The following BPTF variants were observed in gnomAD, a reference collection of about 807,000 sequenced individuals.
BPTF encodes bromodomain PHD finger transcription factor.
BPTF carries 18 observed loss-of-function variants against 292.5 expected under a neutral mutation model. The observed-to-expected ratio is 0.06, with a 90% CI of 0.04 to 0.09. The LOEUF (loss-of-function observed/expected upper bound fraction) is 0.09. Among genes scored for constraint, BPTF ranks in the 10% least tolerant of loss-of-function variants. The pLI is 1.00. For synonymous variants in BPTF, 1,225 were observed against 1,251.9 expected (o/e 0.98, Z 0.45); for missense variants, 2,726 against 3,498.7 (o/e 0.78, Z 5.57).
At chr17:67,886,096 C>T (rs1281282250) in intron 4 of BPTF, 5 of 1,426,420 alleles carry the variant, frequency 3.5e-6, no homozygotes, top group South Asian at 1.4e-5. Flanking sequence ...ATGTGATTTC[C>T]AATTTAAAAA....
At chr17:67,858,128 G>T (rs536095980) in intron 2 of BPTF, among the ~76,000 whole-genome samples, 2 of 152,310 alleles carry the variant, frequency 1.3e-5, no homozygotes, top group East Asian at 3.9e-4. Context: ...TTTCAGGAGG[G>T]AACAAAATGA....
At position 67,928,432 on chromosome 17, in the gene BPTF, C is replaced by T. The variant is rs149862460; in HGVS notation, c.5829C>T (p.Ile1943=). ...CAACAAGCAGTACAACCAGCACCAT[C>T]TCTCCAGCACAGAAGGTTATGGTGG... ...TSPTSSTTST[I]SPAQKVMVAP... is the part of the protein sequence containing the mutation. Residue 1943 remains isoleucine (I), a synonymous_variant, in exon 16 of 28, where the codon ATC becomes ATT. Coordinates refer to ENST00000306378, the MANE Select transcript of BPTF (RefSeq NM_182641.4). 39 of 1,614,056 alleles carry T rather than the reference C, an allele frequency of 2.4e-5. No individual in the cohort carries two copies. Among genetic ancestry groups the T allele is most frequent in the Non-Finnish European group, 3.1e-5 (36 of 1,180,018 alleles).
intron 27 of BPTF, among the ~76,000 whole-genome samples, chr17:67,978,383 C>T (rs1229108749): frequency 6.6e-6 from 1 of 151,348 alleles, no homozygotes; most frequent in African/African-American, 2.4e-5. Flanking sequence ...GCTGCAACAT[C>T]TGCCTCCTGG....
intron 1 of BPTF, among the ~76,000 whole-genome samples, chr17:67,843,754 CTTT>C (rs56335701): frequency 1.6e-5 from 1 of 62,274 alleles, no homozygotes; most frequent in African/African-American, 8.4e-5. Context: ...GAGCAGTTGT[CTTT>C]TTTTTTTTTT....
intron 14 of BPTF, among the ~76,000 whole-genome samples, 191 bp from the exon 15 acceptor site, chr17:67,924,356 C>T (rs2063694621): frequency 6.6e-6 from 1 of 152,194 alleles, no homozygotes; most frequent in Admixed American, 6.5e-5. Context: ...CTCAAGTGAT[C>T]TGCCTGCCTT....
At chr17:67,938,212 A>G (rs2065080910) in intron 18 of BPTF, among the ~76,000 whole-genome samples, 1 of 152,252 alleles carries the variant, frequency 6.6e-6, no homozygotes, top group East Asian at 1.9e-4. Flanking sequence ...ATAAAAATGA[A>G]TCAGTACCAA....
intron 17 of BPTF, among the ~76,000 whole-genome samples, chr17:67,930,356 G>T (rs961229848): frequency 2.0e-5 from 3 of 151,656 alleles, no homozygotes; most frequent in African/African-American, 7.3e-5. Context: ...CCACCACCAT[G>T]CCTGGCTAAT....
At chr17:67,903,469 A>G (rs1226803139) in intron 7 of BPTF, among the ~76,000 whole-genome samples, 1 of 152,234 alleles carries the variant, frequency 6.6e-6, no homozygotes, top group South Asian at 2.1e-4. Context: ...TAAAAAGTAC[A>G]TATGTGTGAA....
chr17:67,841,228 C>T lies in BPTF; in HGVS notation c.614-12712C>T, dbSNP rs1353722240. Among the ~76,000 whole-genome samples the T allele has an allele frequency of 3.3e-5, 5 of 151,576 alleles. No individual in the cohort carries two copies. The South Asian group carries it at 8.3e-4, about 25-fold the overall frequency. On this transcript the variant is annotated intron_variant, in intron 1 of 27. Transcript: ENST00000306378. ...TTTGAGACTAGCCTGACCAACATGG[C>T]GAAACCCCGTCTCTACTAAAAATAC...
chr17:67,972,675 G>A (rs911054644), intron 26 of BPTF, among the ~76,000 whole-genome samples: 3 of 152,050 alleles, frequency 2.0e-5, no homozygotes, highest in African/African-American at 7.2e-5. Context: ...CATGCTTGGA[G>A]TCTTTTTCCT....
chr17:67,934,931 A>G (rs1228681389), intron 18 of BPTF, among the ~76,000 whole-genome samples: 2 of 151,694 alleles, frequency 1.3e-5, no homozygotes, highest in East Asian at 3.8e-4. Context: ...TTAAAGATAC[A>G]TCAAATATGT....
chr17:67,945,901 A>G lies in BPTF; in HGVS notation c.7193A>G (p.Gln2398Arg). Reference sequence around the variant, plus strand: ...CAGCCACAGTCACAACCCCAGGTACAGTCTTCAACTCAAACTCTTTCATCA... The same window carrying G: ...CAGCCACAGTCACAACCCCAGGTACGGTCTTCAACTCAAACTCTTTCATCA... ...QGQPQSQPQV[Q>R]SSTQTLSSGQ... The change falls in exon 21 of 28, where the codon CAG becomes CGG. Residue 2398 changes from glutamine to arginine, a missense_variant. Physicochemically the swap from Gln to Arg is conservative, Grantham distance 43. Coordinates refer to ENST00000306378, the MANE Select transcript of BPTF (RefSeq NM_182641.4). 1.9e-6 allele frequency: 3 copies of G among 1,614,188 alleles called. No individual in the cohort carries two copies. The highest frequency in any genetic ancestry group is 1.7e-6 in the Non-Finnish European group (2 of 1,180,034).
intron 4 of BPTF, chr17:67,886,039 A>T: frequency 2.0e-6 from 2 of 1,001,234 alleles, no homozygotes; most frequent in South Asian, 1.8e-5. Context: ...ACAGCTTCTT[A>T]ATGAAATCCT....
At chr17:67,841,283 C>A (rs933934502) in intron 1 of BPTF, among the ~76,000 whole-genome samples, 1 of 152,100 alleles carries the variant, frequency 6.6e-6, no homozygotes, top group Admixed American at 6.6e-5. Context: ...GTGGCACATG[C>A]CTGTAATCCC....
chr17:67,952,748 G>C (rs1555679046), intron 23 of BPTF, among the ~76,000 whole-genome samples: 2 of 151,982 alleles, frequency 1.3e-5, no homozygotes, highest in African/African-American at 4.8e-5. Flanking sequence ...TTCACTCCTC[G>C]TGATCTGTGG....
At chr17:67,904,880 G>T in intron 9 of BPTF, 40 bp downstream of exon 9, 1 of 1,477,176 alleles carries the variant, frequency 6.8e-7, no homozygotes, top group African/African-American at 1.4e-5. Context: ...AATCGTTTCT[G>T]CTTTATATTT....
At chr17:67,906,848 T>G (rs2062237543) in intron 9 of BPTF, among the ~76,000 whole-genome samples, 1 of 152,172 alleles carries the variant, frequency 6.6e-6, no homozygotes, top group Admixed American at 6.5e-5. Flanking sequence ...GGATATACCT[T>G]GCTAGGTCCT....
chr17:67,925,992 C>CTTTTTTTTT lies in BPTF; in HGVS notation c.5751+1425_5751+1433dup, dbSNP rs60083535. 1.1e-3 allele frequency among the ~76,000 whole-genome samples: 63 copies of CTTTTTTTTT among 56,654 alleles called. 7 individuals carry two copies. Among genetic ancestry groups the CTTTTTTTTT allele is most frequent in the Non-Finnish European group, 1.6e-3 (50 of 31,422 alleles). The allele number at this position is 56,654 out of a possible 152,430, so 37.2% of individuals were successfully genotyped here. A position where few individuals can be genotyped will look rare whatever the true frequency, so the allele number is the denominator to read the frequency against. On this transcript the variant is annotated intron_variant, in intron 15 of 27. Coordinates refer to ENST00000306378, the MANE Select transcript of BPTF (RefSeq NM_182641.4). ...CTCTGCAATGTAACCTAACATATTA[C>CTTTTTTTTT]TTTTTTTTTTTTTTTTTTTTTTTTT...
chr17:67,848,777 C>T (rs2058211200), intron 1 of BPTF, among the ~76,000 whole-genome samples: 2 of 152,124 alleles, frequency 1.3e-5, no homozygotes, highest in African/African-American at 4.8e-5. Context: ...ACTGCCAGGT[C>T]ATTCTAATTA....
Sources: allele counts gnomAD v4.1 joint callset (sites outside exome capture counted in the v4.1 genomes callset), GRCh38; gene constraint gnomAD v4.1.1; transcripts MANE v1.5; gene names NCBI Gene and HGNC (gene_info 2026-07-23, HGNC 2026-07-21).